The following ASNS variants were observed in gnomAD, a reference collection of about 807,000 sequenced individuals.
The protein encoded by ASNS is asparagine synthetase (glutamine-hydrolyzing).
Under a neutral mutation model 62.6 loss-of-function variants are expected in ASNS, and 37 were observed. That is an observed-to-expected ratio of 0.59 (90% CI 0.45 to 0.78). The LOEUF (loss-of-function observed/expected upper bound fraction) is 0.78, where lower values mean the gene tolerates loss of function less well. Among genes scored for constraint, ASNS ranks in the 30% least tolerant of loss-of-function variants. The probability of loss-of-function intolerance (pLI) is 0.00; values close to 1 mark genes in which losing one functional copy is unlikely to be tolerated. For synonymous variants in ASNS, 207 were observed against 237.9 expected, an observed-to-expected ratio of 0.87 and a Z score of 1.19; for missense variants, 520 against 682.4, an observed-to-expected ratio of 0.76 and a Z score of 2.65.
rs757715023 is a variant in ASNS at position 97,852,359 on chromosome 7, C to T, written c.1586G>A (p.Arg529Gln). ...RQVFERHYPG[R>Q]ADWLSHYWMP... ...CCAGTAATGGCTCAGCCAGTCAGCC[C>T]GGCCTGGGTAATGGCGTTCAAAGAC... Residue 529 changes from arginine (R) to glutamine (Q), a missense_variant, in exon 13 of 13, where the codon CGG (arginine) becomes CAG (glutamine). By Grantham distance (43) the Arg-to-Gln change is conservative (BLOSUM62 1). Coordinates refer to ENST00000394308, the MANE Select transcript of ASNS (RefSeq NM_001673.5). 2.7e-5 allele frequency: 43 copies of T among 1,614,022 alleles called. No homozygotes were observed. The highest frequency in any genetic ancestry group is 3.0e-5 in the Non-Finnish European group (35 of 1,180,040).
the ASNS span, among the ~76,000 whole-genome samples, chr7:97,891,387 C>T: frequency 3.3e-5 from 5 of 152,018 alleles, no homozygotes; most frequent in African/African-American, 1.2e-4. Flanking sequence ...TCATTCTGCC[C>T]CTGGCCCTTC....
At chr7:97,888,519 C>T in the ASNS span, among the ~76,000 whole-genome samples, 1 of 152,192 alleles carries the variant, frequency 6.6e-6, no homozygotes, top group Non-Finnish European at 1.5e-5. Context: ...GCTACGATGG[C>T]ACCACTGTGT....
intron 4 of ASNS, among the ~76,000 whole-genome samples, chr7:97,862,715 G>A (rs921144528): frequency 3.3e-5 from 5 of 151,926 alleles, no homozygotes; most frequent in South Asian, 2.1e-4. Context: ...GCACTGTAGG[G>A]GGAGCATATG....
intron 7 of ASNS, 119 bp downstream of exon 7, chr7:97,858,159 T>A (rs1791544987): frequency 5.3e-6 from 7 of 1,327,748 alleles, no homozygotes; most frequent in Non-Finnish European, 7.2e-6. Context: ...ACAATCAATT[T>A]AAAACAATTG....
chr7:97,899,930 C>T, the ASNS span, among the ~76,000 whole-genome samples: 11,186 of 152,068 alleles, frequency 0.074, 586 homozygotes, highest in East Asian at 0.23. Context: ...GAAAATATTG[C>T]GCATCTCCAA....
At chr7:97,926,513 G>T in the ASNS span, among the ~76,000 whole-genome samples, 1 of 152,126 alleles carries the variant, frequency 6.6e-6, no homozygotes, top group Admixed American at 6.6e-5. Flanking sequence ...ACACCAGCCT[G>T]ACACTTCTTC....
the ASNS span, among the ~76,000 whole-genome samples, chr7:97,923,031 C>T: frequency 6.6e-6 from 1 of 152,112 alleles, no homozygotes; most frequent in South Asian, 2.1e-4. Context: ...CTTAGGTGAT[C>T]CGCCAGCCTC....
the ASNS span, among the ~76,000 whole-genome samples, chr7:97,918,671 G>A: frequency 1.3e-5 from 2 of 152,132 alleles, no homozygotes; most frequent in African/African-American, 4.8e-5. Context: ...AAAAGGTGTG[G>A]ACAGGAACAG....
the ASNS span, among the ~76,000 whole-genome samples, chr7:97,888,043 G>A: frequency 6.6e-6 from 1 of 152,206 alleles, no homozygotes. Context: ...GGTACAGTCA[G>A]AGCTCACTGT....
intron 4 of ASNS, among the ~76,000 whole-genome samples, chr7:97,859,816 T>C (rs1391263875): frequency 2.6e-5 from 4 of 152,232 alleles, no homozygotes; most frequent in Admixed American, 2.6e-4. Context: ...ACTGAGGTAT[T>C]TTCAGAACAC....
At chr7:97,883,419 C>G in the ASNS span, among the ~76,000 whole-genome samples, 2 of 151,932 alleles carry the variant, frequency 1.3e-5, no homozygotes, top group South Asian at 4.2e-4. Context: ...TCCCTCCAGC[C>G]CACCCAACCC....
the ASNS span, among the ~76,000 whole-genome samples, chr7:97,911,683 A>G: frequency 1.3e-5 from 2 of 152,116 alleles, no homozygotes; most frequent in Non-Finnish European, 2.9e-5. Context: ...CATTTCCCAA[A>G]AAAATGATTT....
At chr7:97,893,500 C>A in the ASNS span, among the ~76,000 whole-genome samples, 2 of 152,240 alleles carry the variant, frequency 1.3e-5, no homozygotes, top group Non-Finnish European at 2.9e-5. Context: ...CTTGTAAAGA[C>A]ACACACAGAC....
chr7:97,911,138 G>A, the ASNS span, among the ~76,000 whole-genome samples: 37 of 152,268 alleles, frequency 2.4e-4, no homozygotes, highest in Middle Eastern at 3.4e-3. Flanking sequence ...CATGTTTTTA[G>A]AGGGAAAGTA....
intron 2 of ASNS, 152 bp from the exon 3 acceptor site, chr7:97,869,331 A>C: frequency 1.2e-6 from 1 of 858,004 alleles, no homozygotes; most frequent in Non-Finnish European, 1.8e-6. Flanking sequence ...TGGCAGGCAC[A>C]TGGGAGTAGA....
Position 97,854,625 on chromosome 7 carries a change from T to G in ASNS, c.1193A>C (p.Tyr398Ser), listed in dbSNP as rs1166271142. The stretch of plus-strand genomic sequence containing the variant: ...ATCTGCGCGGAGAACATCAAACAAA[T>G]AGAGTTCCCTCAGAAGCCTCTCACT... ...EESERLLRELYLFDVLRADRT... is the reference protein window; with the variant it reads ...EESERLLRELSLFDVLRADRT... The change falls in exon 10 of 13, where the codon TAT becomes TCT. Residue 398 changes from tyrosine (Y) to serine (S), a missense_variant. Transcript: ENST00000394308. 1.2e-6 allele frequency: 2 copies of G among 1,614,030 alleles called. No individual in the cohort carries two copies. The highest frequency in any genetic ancestry group is 4.5e-5 in the East Asian group (2 of 44,882).
chr7:97,867,824 G>T (rs933014757), intron 3 of ASNS, among the ~76,000 whole-genome samples: 13 of 152,166 alleles, frequency 8.5e-5, no homozygotes, highest in Non-Finnish European at 1.5e-4. Context: ...CTTTTTAAAT[G>T]AGAAGACTAT....
chr7:97,851,994 G>A lies in ASNS; in HGVS notation c.*265C>T. 1 of 446,780 alleles carries A rather than the reference G, an allele frequency of 2.2e-6. No homozygotes were observed. Among genetic ancestry groups the A allele is most frequent in the Non-Finnish European group, 4.1e-6 (1 of 244,836 alleles). 27.7% of individuals were successfully genotyped at this position (446,780 alleles called of 1,614,324 possible). A position where few individuals can be genotyped will look rare whatever the true frequency, so the allele number is the denominator to read the frequency against. ...ATCTAAAGCAGCTCTGCCAGGAGAG[G>A]GCTGTGAGTTCTTGCAGACATCTGA... is the stretch of plus-strand genomic sequence containing the variant. On this transcript the variant is annotated 3_prime_UTR_variant, in exon 13 of 13. Coordinates refer to ENST00000394308, the MANE Select transcript of ASNS (RefSeq NM_001673.5).
the ASNS span, among the ~76,000 whole-genome samples, chr7:97,893,863 T>G: frequency 6.6e-6 from 1 of 152,236 alleles, no homozygotes; most frequent in African/African-American, 2.4e-5. Context: ...AGCTGCACTT[T>G]AGACCAAATG....
Sources: gnomAD v4.1 joint callset for allele counts (sites outside exome capture counted in the v4.1 genomes callset) on GRCh38, gnomAD v4.1.1 for gene constraint, MANE v1.5 for transcripts, NCBI Gene and HGNC (gene_info 2026-07-23, HGNC 2026-07-21) for gene names.